GALT: variants seen among roughly 807,000 people sequenced by gnomAD.
GALT encodes the protein galactose-1-phosphate uridylyltransferase.
A neutral mutation model predicts 55.4 loss-of-function variants in GALT; 42 were observed. That is an observed-to-expected ratio of 0.76 (90% CI 0.59 to 0.98). The LOEUF (loss-of-function observed/expected upper bound fraction) is 0.98. Among genes scored for constraint, GALT ranks in the 50% least tolerant of loss-of-function variants. GALT has a pLI of 0.00. For synonymous variants in GALT, 154 were observed against 181.5 expected (o/e 0.85, Z 1.22); for missense variants, 407 against 495.7 (o/e 0.82, Z 1.70).
chr9:34,647,727 T>TA lies in GALT; in HGVS notation c.377+23dup. ...TCTGGTAACTATGGATTTCCCCTCT[T>TA]ACAACTTTCAAACCAGAGTTGGAGA... is the stretch of plus-strand genomic sequence containing the variant. On this transcript the variant is annotated intron_variant, in intron 4 of 10. Coordinates refer to ENST00000378842, the MANE Select transcript of GALT (RefSeq NM_000155.4). This position sits in a 1 kb window ranked among gnomAD's most constrained non-coding sequence, Gnocchi z 5.6. The TA allele has an allele frequency of 6.2e-7, 1 of 1,614,090 alleles. No homozygotes were observed.
intron 1 of GALT, 69 bp downstream of exon 1, chr9:34,646,855 G>C (rs1821115497): frequency 1.9e-6 from 3 of 1,610,390 alleles, no homozygotes; most frequent in Non-Finnish European, 8.5e-7. Context: ...GGAAGCTTTC[G>C]TCCCCTCCGA....
At chr9:34,646,953 T>C in intron 1 of GALT, 136 bp from the exon 2 acceptor site, 1 of 1,605,976 alleles carries the variant, frequency 6.2e-7, no homozygotes, top group Non-Finnish European at 8.5e-7. Flanking sequence ...GCTGGGAAAG[T>C]CCAATCCTGG....
Position 34,648,977 on chromosome 9 carries a change from A to C in GALT, c.821-21A>C, listed in dbSNP as rs764097984. The C allele has an allele frequency of 6.2e-7, 1 of 1,613,964 alleles. No homozygotes were observed. Among genetic ancestry groups the C allele is most frequent in the Admixed American group, 1.7e-5 (1 of 60,016 alleles). On this transcript the variant is annotated intron_variant, in intron 8 of 10. Transcript: ENST00000378842. This position sits in a 1 kb window ranked among gnomAD's most constrained non-coding sequence, Gnocchi z 4.9. ...GGGTCAGCATCTGGACCCCAGGCTG[A>C]GAGTCAGGCTCTGATTCCAGATCTA... is the stretch of plus-strand genomic sequence containing the variant.
rs755906612 is a variant in GALT, at chr9:34,647,480, C to G, written c.253-12C>G. ...GGGGCAGTGAGTGCTTCTAGCCTAT[C>G]CTTGTCGGTAGGTGAATCCCCAGTA... is the stretch of plus-strand genomic sequence containing the variant. On this transcript the variant is annotated splice_polypyrimidine_tract_variant and intron_variant, in intron 2 of 10. Transcript: ENST00000378842. This position sits in a 1 kb window ranked among gnomAD's most constrained non-coding sequence, Gnocchi z 5.6. The G allele has an allele frequency of 6.2e-7, 1 of 1,613,994 alleles. No homozygotes were observed. The highest frequency in any genetic ancestry group is 2.2e-5 in the East Asian group (1 of 44,874).
rs747785041 is a variant in GALT, at chr9:34,650,466, G to A, written c.*17G>A. 6.2e-7 allele frequency: 1 copy of A among 1,612,268 alleles called. No individual in the cohort carries two copies. Among genetic ancestry groups the A allele is most frequent in the Non-Finnish European group, 8.5e-7 (1 of 1,178,484 alleles). On this transcript the variant is annotated 3_prime_UTR_variant, in exon 11 of 11. Coordinates refer to ENST00000378842, the MANE Select transcript of GALT (RefSeq NM_000155.4). ...ATCGCCTGACCACGCCGACCACAGG[G>A]CCTTGAATCCTTTTTTGTTTTCAAC...
In GALT at chr9:34,647,519, C is replaced by G; in HGVS notation, c.280C>G (p.Leu94Val). ...GAATCCCCAGTACGATAGCACCTTC[C>G]TGTTTGACAACGACTTCCCAGCTCT... Reference protein sequence around the residue: ...EVNPQYDSTFLFDNDFPALQP... With the variant: ...EVNPQYDSTFVFDNDFPALQP... The change falls in exon 3 of 11, where the codon CTG (leucine) becomes GTG (valine). Residue 94 changes from leucine (L) to valine (V), a missense_variant. Leu to Val is a conservative substitution (Grantham distance 32). Transcript: ENST00000378842. This position sits in a 1 kb window ranked among gnomAD's most constrained non-coding sequence, Gnocchi z 5.6. 2 of 1,614,198 alleles carry G rather than the reference C, an allele frequency of 1.2e-6. No homozygotes were observed. The highest frequency in any genetic ancestry group is 1.7e-6 in the Non-Finnish European group (2 of 1,180,032).
chr9:34,650,353 C>T lies in GALT; in HGVS notation c.1060-16C>T, dbSNP rs1295757808. The T allele has an allele frequency of 6.2e-7, 1 of 1,608,400 alleles. No individual in the cohort carries two copies. Among genetic ancestry groups the T allele is most frequent in the Non-Finnish European group, 8.5e-7 (1 of 1,175,590 alleles). On this transcript the variant is annotated splice_polypyrimidine_tract_variant and intron_variant, in intron 10 of 10. Transcript: ENST00000378842. ...CAGCCCTTATCCTCCTTAATTGCTC[C>T]CTGTCCCTTTTCCAGGCTGCAGAGA... is the stretch of plus-strand genomic sequence containing the variant.
Position 34,650,517 on chromosome 9 carries a change from G to C in GALT, c.*68G>C. 1 of 1,445,314 alleles carries C rather than the reference G, an allele frequency of 6.9e-7. No individual in the cohort carries two copies. The highest frequency in any genetic ancestry group is 9.7e-7 in the Non-Finnish European group (1 of 1,029,078). 89.5% of individuals were successfully genotyped at this position (1,445,314 alleles called of 1,614,324 possible). A position where few individuals can be genotyped will look rare whatever the true frequency, so the allele number is the denominator to read the frequency against. On this transcript the variant is annotated 3_prime_UTR_variant, in exon 11 of 11. Coordinates refer to ENST00000378842, the MANE Select transcript of GALT (RefSeq NM_000155.4). ...AGTCTTGCTGAATTAAGCAGAAAGG[G>C]CCTTGAATCCTGGCCTGGAATTTGG...
chr9:34,648,901 C>T lies in GALT; in HGVS notation c.820+7C>T. On this transcript the variant is annotated splice_region_variant and intron_variant, in intron 8 of 10. Transcript: ENST00000378842. The surrounding 1 kb of genome is among the most constrained non-coding windows in gnomAD (Gnocchi z 4.9). ...ACCCCTGCTGAGCGTGATGGTCAGT[C>T]TCCCAAGTAGGATCCTGGGGCTAGG... is the stretch of plus-strand genomic sequence containing the variant. The T allele has an allele frequency of 1.2e-6, 2 of 1,613,538 alleles. No individual in the cohort carries two copies. The highest frequency in any genetic ancestry group is 1.7e-6 in the Non-Finnish European group (2 of 1,180,026).
chr9:34,648,188 C>T lies in GALT; in HGVS notation c.564+17C>T. ...CACTGCCAGGTAAGGGTGTCAGGGGCTCCAGTGGGTTTCTTGGCTGAGTCT... is the reference window on the plus strand; with the variant it reads ...CACTGCCAGGTAAGGGTGTCAGGGGTTCCAGTGGGTTTCTTGGCTGAGTCT... On this transcript the variant is annotated intron_variant, in intron 6 of 10. Transcript: ENST00000378842. This position sits in a 1 kb window ranked among gnomAD's most constrained non-coding sequence, Gnocchi z 4.9. The T allele has an allele frequency of 3.1e-6, 5 of 1,614,098 alleles. No individual in the cohort carries two copies. Among genetic ancestry groups the T allele is most frequent in the East Asian group, 2.2e-5 (1 of 44,890 alleles).
Position 34,648,647 on chromosome 9 carries a change from G to A in GALT, c.688-115G>A. On this transcript the variant is annotated intron_variant, in intron 7 of 10. Coordinates refer to ENST00000378842, the MANE Select transcript of GALT (RefSeq NM_000155.4). The surrounding 1 kb of genome is among the most constrained non-coding windows in gnomAD (Gnocchi z 4.9). ...TCGGGTGGTTAGTGGTAGAGGTGGT[G>A]AGAAGACATCAGATCCTGGGCACAT... 3 of 1,505,196 alleles carry A rather than the reference G, an allele frequency of 2.0e-6. No homozygotes were observed. Among genetic ancestry groups the A allele is most frequent in the South Asian group, 1.1e-5 (1 of 88,368 alleles). 93.2% of individuals were successfully genotyped at this position (1,505,196 alleles called of 1,614,324 possible).
rs1000378386 is a variant in GALT, at chr9:34,650,888, C to T, written c.*439C>T. 5.6e-6 allele frequency: 1 copy of T among 177,772 alleles called. No individual in the cohort carries two copies. The highest frequency in any genetic ancestry group is 1.2e-5 in the Non-Finnish European group (1 of 83,532). 11.0% of individuals were successfully genotyped at this position (177,772 alleles called of 1,614,324 possible). ...GCCACCACCCCTAGGGTGTCAGCTC[C>T]AAGCCTGGGCCTGAGGGTTTGATGG... is the stretch of plus-strand genomic sequence containing the variant. On this transcript the variant is annotated 3_prime_UTR_variant, in exon 11 of 11. Coordinates refer to ENST00000378842, the MANE Select transcript of GALT (RefSeq NM_000155.4).
At chr9:34,650,217 C>G in intron 10 of GALT, 152 bp from the exon 11 acceptor site, 1 of 641,686 alleles carries the variant, frequency 1.6e-6, no homozygotes, top group Non-Finnish European at 2.8e-6. Flanking sequence ...GAGTTTGAGG[C>G]TGCAGTGAGC....
intron 10 of GALT, 31 bp downstream of exon 10, chr9:34,649,595 G>C: frequency 6.2e-7 from 1 of 1,613,386 alleles, no homozygotes; most frequent in Non-Finnish European, 8.5e-7. Flanking sequence ...GGCGTCTCCA[G>C]ACTCTCACAT....
rs1346288704 is a variant in GALT at position 34,646,806 on chromosome 9, G to T, written c.82+20G>T. 3 of 1,613,156 alleles carry T rather than the reference G, an allele frequency of 1.9e-6. No individual in the cohort carries two copies. Among genetic ancestry groups the T allele is most frequent in the Non-Finnish European group, 1.7e-6 (2 of 1,179,862 alleles). ...CAAACGGTAACTGCACCGCGGCAGG[G>T]ACTCGCTGGGGCGCGGAGCCGAGCC... On this transcript the variant is annotated intron_variant, in intron 1 of 10. Coordinates refer to ENST00000378842, the MANE Select transcript of GALT (RefSeq NM_000155.4).
chr9:34,647,161 C>A lies in GALT; in HGVS notation c.155C>A (p.Pro52His). The A allele has an allele frequency of 6.2e-7, 1 of 1,614,180 alleles. No individual in the cohort carries two copies. The highest frequency in any genetic ancestry group is 1.3e-5 in the African/African-American group (1 of 75,066). The stretch of plus-strand genomic sequence containing the variant: ...GTGTCAGCTCACCGCATGAAGCGGC[C>A]CTGGCAGGGTCAAGTGGAGCCCCAG... ...VLVSAHRMKR[P>H]WQGQVEPQLL... Residue 52 changes from proline to histidine, a missense_variant, in exon 2 of 11, where the codon CCC (proline) becomes CAC (histidine). Physicochemically the swap from Pro to His is moderately conservative, Grantham distance 77. Transcript: ENST00000378842. The surrounding 1 kb of genome is among the most constrained non-coding windows in gnomAD (Gnocchi z 5.6).
Position 34,649,064 on chromosome 9 carries a change from A to G in GALT, c.887A>G (p.Tyr296Cys), listed in dbSNP as rs775789069. The G allele has an allele frequency of 6.2e-7, 1 of 1,613,596 alleles. No homozygotes were observed. The highest frequency in any genetic ancestry group is 8.5e-7 in the Non-Finnish European group (1 of 1,179,826). Reference sequence around the variant, plus strand: ...AACCTCTTTGAGACGTCCTTTCCCTACTCCATGGGCTGGCATGGTGAGGCT... The same window carrying G: ...AACCTCTTTGAGACGTCCTTTCCCTGCTCCATGGGCTGGCATGGTGAGGCT... ...YDNLFETSFP[Y>C]SMGWHGAPTG... The change falls in exon 9 of 11, where the codon TAC becomes TGC. Residue 296 changes from tyrosine (Y) to cysteine (C), a missense_variant. Coordinates refer to ENST00000378842, the MANE Select transcript of GALT (RefSeq NM_000155.4).
rs1260183111 is a variant in GALT at position 34,650,757 on chromosome 9, A to T, written c.*308A>T. 1 of 333,848 alleles carries T rather than the reference A, an allele frequency of 3.0e-6. No homozygotes were observed. The highest frequency in any genetic ancestry group is 2.1e-5 in the African/African-American group (1 of 46,696). 20.7% of individuals were successfully genotyped at this position (333,848 alleles called of 1,614,324 possible). ...ATTCAGTATTATATCTAGCCTATAG[A>T]TTCTCTTACTCTTGGTGTAATGACA... On this transcript the variant is annotated 3_prime_UTR_variant, in exon 11 of 11. Transcript: ENST00000378842.
Position 34,647,888 on chromosome 9 carries a change from C to T in GALT, c.434C>T (p.Pro145Leu). ...SDVTLPLMSV[P>L]EIRAVVDAWA... Reference sequence around the variant, plus strand: ...GTAACGCTGCCACTCATGTCGGTCCCTGAGATCCGGGCTGTTGTTGATGCA... The same window carrying T: ...GTAACGCTGCCACTCATGTCGGTCCTTGAGATCCGGGCTGTTGTTGATGCA... The change falls in exon 5 of 11, where the codon CCT (proline) becomes CTT (leucine). Residue 145 changes from proline (P) to leucine (L), a missense_variant. Pro to Leu is a moderately conservative substitution (Grantham distance 98). Coordinates refer to ENST00000378842, the MANE Select transcript of GALT (RefSeq NM_000155.4). The surrounding 1 kb of genome is among the most constrained non-coding windows in gnomAD (Gnocchi z 5.6). 6 of 1,614,210 alleles carry T rather than the reference C, an allele frequency of 3.7e-6. No individual in the cohort carries two copies. Among genetic ancestry groups the T allele is most frequent in the Non-Finnish European group, 5.1e-6 (6 of 1,180,050 alleles).
Sources: gnomAD v4.1 joint callset for allele counts on GRCh38, gnomAD v4.1.1 for gene constraint, Gnocchi (gnomAD v3.1) non-coding constraint, MANE v1.5 for transcripts, NCBI Gene and HGNC (gene_info 2026-07-23, HGNC 2026-07-21) for gene names.